Variants in SAMMSON observed in about 807,000 individuals in gnomAD.
The protein encoded by SAMMSON is survival associated mitochondrial melanoma specific oncogenic non-coding RNA, also known as long intergenic non-protein coding RNA 1212.
rs2066916507 is a variant in SAMMSON, at chr3:70,004,080, G to T, written n.22+4213G>T. ...GAGAGGCTGAATTTTTCATATAACT[G>T]GGGTTAAAATACTATTATGATTTTG... is the stretch of plus-strand genomic sequence containing the variant. On this transcript the variant is annotated intron_variant and non_coding_transcript_variant, in intron 1 of 9. Coordinates refer to ENST00000642114, the Ensembl canonical transcript of SAMMSON. Among the ~76,000 whole-genome samples, 4 of 151,894 alleles carry T rather than the reference G, an allele frequency of 2.6e-5. No homozygotes were observed. In the South Asian group the frequency reaches 8.3e-4, roughly 32 times the overall value.
chr3:70,245,694 TA>T (rs1701700501), intron 4 of SAMMSON, among the ~76,000 whole-genome samples: 2 of 137,434 alleles, frequency 1.5e-5, no homozygotes, highest in Non-Finnish European at 1.6e-5. Context: ...TATATATATA[TA>T]TATATATATA....
chr3:70,276,499 G>A (rs570133570), intron 6 of SAMMSON, among the ~76,000 whole-genome samples: 5 of 152,036 alleles, frequency 3.3e-5, no homozygotes, highest in African/African-American at 7.3e-5. Context: ...TGAATTATAC[G>A]AAATTTTAAG....
intron 4 of SAMMSON, chr3:70,126,683 C>T (rs2067460312): frequency 3.7e-6 from 1 of 271,620 alleles, no homozygotes; most frequent in South Asian, 4.8e-5. Context: ...CTGGGCAAGG[C>T]TAAGAAGTTA....
chr3:70,167,493 A>G (rs1050485504), intron 4 of SAMMSON, among the ~76,000 whole-genome samples: 8 of 152,014 alleles, frequency 5.3e-5, no homozygotes, highest in Admixed American at 1.3e-4. Flanking sequence ...CTTTGGACAC[A>G]TTGTATTTTG....
intron 6 of SAMMSON, among the ~76,000 whole-genome samples, chr3:70,287,868 G>C (rs1220750653): frequency 1.3e-5 from 2 of 152,142 alleles, no homozygotes; most frequent in East Asian, 3.9e-4. Context: ...AGTATTCTCT[G>C]ATGGTAGTTT....
At chr3:70,360,573 A>G (rs570571135) in intron 9 of SAMMSON, among the ~76,000 whole-genome samples, 1 of 152,154 alleles carries the variant, frequency 6.6e-6, no homozygotes, top group Non-Finnish European at 1.5e-5. Context: ...TACAGCTATC[A>G]TATTTCTTTC....
chr3:70,429,712 T>G (rs1233525891), intron 2 of SAMMSON, among the ~76,000 whole-genome samples: 1 of 152,182 alleles, frequency 6.6e-6, no homozygotes, highest in Non-Finnish European at 1.5e-5. Context: ...CCTAGGTATT[T>G]TATTCTCTTT....
chr3:70,426,065 T>C (rs1037931566), intron 2 of SAMMSON, among the ~76,000 whole-genome samples: 1 of 152,212 alleles, frequency 6.6e-6, no homozygotes, highest in African/African-American at 2.4e-5. Flanking sequence ...CATGTGATGT[T>C]TTCCTACTTA....
At chr3:70,418,887 G>A (rs1701285388) in intron 2 of SAMMSON, among the ~76,000 whole-genome samples, 1 of 146,002 alleles carries the variant, frequency 6.8e-6, no homozygotes, top group African/African-American at 2.6e-5. Flanking sequence ...GGCTCTAATG[G>A]AACTCAAAAT....
intron 9 of SAMMSON, among the ~76,000 whole-genome samples, chr3:70,370,512 AGAT>A (rs1702959257): frequency 1.3e-5 from 2 of 152,092 alleles, no homozygotes; most frequent in South Asian, 4.1e-4. Flanking sequence ...AATTAGGGTA[AGAT>A]GATATCTCAT....
chr3:70,188,455 G>T (rs1701107879), intron 4 of SAMMSON, among the ~76,000 whole-genome samples: 1 of 152,168 alleles, frequency 6.6e-6, no homozygotes, highest in African/African-American at 2.4e-5. Context: ...GGAGAAAAGT[G>T]TGTGGTATCT....
At chr3:70,125,961 A>G in intron 4 of SAMMSON, 1 of 775,742 alleles carries the variant, frequency 1.3e-6, no homozygotes, top group South Asian at 1.4e-5. Context: ...ATGTGGGTGG[A>G]AGAGGTGGAT....
chr3:70,098,960 A>G (rs1159809841), intron 4 of SAMMSON, among the ~76,000 whole-genome samples: 2 of 152,200 alleles, frequency 1.3e-5, no homozygotes, highest in Non-Finnish European at 2.9e-5. Context: ...TATGACTGGC[A>G]TGATAAGGCT....
intron 4 of SAMMSON, chr3:70,183,469 A>G (rs1200989002): frequency 6.6e-6 from 1 of 152,178 alleles, no homozygotes; most frequent in Admixed American, 6.5e-5. Context: ...TATGCGACTG[A>G]ACCTCTGACT....
intron 4 of SAMMSON, among the ~76,000 whole-genome samples, chr3:70,163,969 T>C (rs2067626590): frequency 6.6e-6 from 1 of 152,050 alleles, no homozygotes. Flanking sequence ...CATAAACCCA[T>C]GAACCCTATT....
At chr3:70,009,382 T>C (rs889688934) in intron 1 of SAMMSON, 7 of 152,334 alleles carry the variant, frequency 4.6e-5, no homozygotes, top group Admixed American at 6.5e-5. Flanking sequence ...GGTGTATGTG[T>C]TGAGGAATTT....
intron 4 of SAMMSON, among the ~76,000 whole-genome samples, chr3:70,233,953 C>T (rs899146011): frequency 7.9e-5 from 12 of 152,106 alleles, no homozygotes; most frequent in East Asian, 3.9e-4. Flanking sequence ...TGAAAATTCC[C>T]GTGCAAGTTT....
In SAMMSON at chr3:70,396,816, C is replaced by G. The variant is rs146648313; in HGVS notation, n.233+38492C>G. Among the ~76,000 whole-genome samples the G allele has an allele frequency of 3.5e-3, 529 of 152,242 alleles. 3 individuals are homozygous for G. The highest frequency in any genetic ancestry group is 0.012 in the African/African-American group (498 of 41,558). ...AGGAGCAGGAATGCAAAGACATCAT[C>G]TCCAGTTATTGTGTTGGGAAGACAG... is the stretch of plus-strand genomic sequence containing the variant. On this transcript the variant is annotated intron_variant and non_coding_transcript_variant, in intron 2 of 3. Transcript: ENST00000641053.
At chr3:70,427,363 C>T (rs1487639647) in intron 2 of SAMMSON, among the ~76,000 whole-genome samples, 1 of 152,066 alleles carries the variant, frequency 6.6e-6, no homozygotes, top group Admixed American at 6.5e-5. Context: ...GTATTTCTTC[C>T]ATGTTATCTC....
Sources: allele counts gnomAD v4.1 joint callset (sites outside exome capture counted in the v4.1 genomes callset), GRCh38; gene constraint gnomAD v4.1.1; transcripts MANE v1.5; gene names NCBI Gene and HGNC (gene_info 2026-07-23, HGNC 2026-07-21).